FBXW2: variants seen among roughly 807,000 people sequenced by gnomAD.
FBXW2 encodes F-box and WD repeat domain containing 2.
In FBXW2, 12 loss-of-function variants were observed where a neutral mutation model predicts 46.0. The ratio of observed to expected loss-of-function variants is 0.26; its 90% confidence interval spans 0.17 to 0.42. The LOEUF (loss-of-function observed/expected upper bound fraction) is 0.42. Among genes scored for constraint, FBXW2 ranks in the 10% least tolerant of loss-of-function variants. The probability of loss-of-function intolerance (pLI) is 1.00; values close to 1 mark genes in which losing one functional copy is unlikely to be tolerated. For synonymous variants in FBXW2, 203 were observed against 209.6 expected (o/e 0.97, Z 0.27); for missense variants, 360 against 537.0 (o/e 0.67, Z 3.26).
At chr9:120,777,244 G>A (rs568158885) in intron 4 of FBXW2, among the ~76,000 whole-genome samples, 68 of 152,342 alleles carry the variant, frequency 4.5e-4, no homozygotes, top group Non-Finnish European at 9.0e-4. Context: ...ATACTTCCAT[G>A]CATACATGCA....
At chr9:120,772,431 T>G (rs1011880128) in intron 6 of FBXW2, among the ~76,000 whole-genome samples, 2 of 152,102 alleles carry the variant, frequency 1.3e-5, no homozygotes, top group Non-Finnish European at 2.9e-5. Context: ...GGGCGGAGGT[T>G]GCAGTGAGCC....
intron 7 of FBXW2, among the ~76,000 whole-genome samples, chr9:120,768,461 A>G (rs1199206698): frequency 6.6e-6 from 1 of 152,256 alleles, no homozygotes; most frequent in Non-Finnish European, 1.5e-5. Flanking sequence ...TGGGTGCTCA[A>G]TGAATATCTA....
chr9:120,781,352 C>T (rs1386241368), intron 3 of FBXW2, among the ~76,000 whole-genome samples: 3 of 152,050 alleles, frequency 2.0e-5, no homozygotes, highest in African/African-American at 2.4e-5. Context: ...TTCAAAAAAC[C>T]GTCTAGGAGT....
intron 2 of FBXW2, 81 bp downstream of exon 2, chr9:120,793,068 T>C: frequency 2.1e-6 from 2 of 967,584 alleles, no homozygotes; most frequent in South Asian, 2.9e-5. Context: ...TGTTTTCCCG[T>C]CTCTAAAATC....
At chr9:120,787,663 A>C in intron 3 of FBXW2, 106 bp downstream of exon 3, 3 of 1,231,162 alleles carry the variant, frequency 2.4e-6, no homozygotes, top group Non-Finnish European at 3.4e-6. Context: ...CACTGTACAT[A>C]TCTCATATAA....
Position 120,778,564 on chromosome 9 carries a change from G to A in FBXW2, c.491-19C>T. 6.2e-7 allele frequency: 1 copy of A among 1,605,744 alleles called. No individual in the cohort carries two copies. The highest frequency in any genetic ancestry group is 8.5e-7 in the Non-Finnish European group (1 of 1,174,574). On this transcript the variant is annotated intron_variant, in intron 3 of 7. Coordinates refer to ENST00000608872, the MANE Select transcript of FBXW2 (RefSeq NM_012164.4). ...TCTGACCCTTCAAGAGAAAAACAGGGAGGTTAATAAGAAAACAAACACACT... is the reference window on the plus strand; with the variant it reads ...TCTGACCCTTCAAGAGAAAAACAGGAAGGTTAATAAGAAAACAAACACACT...
intron 2 of FBXW2, chr9:120,792,903 C>T: frequency 6.6e-7 from 1 of 1,524,632 alleles, no homozygotes; most frequent in Non-Finnish European, 8.8e-7. Context: ...TCATGGCATA[C>T]CCACAATTAT....
At chr9:120,793,287 G>A (rs962743125) in intron 1 of FBXW2, 30 bp from the exon 2 acceptor site, 16 of 458,324 alleles carry the variant, frequency 3.5e-5, no homozygotes, top group African/African-American at 1.8e-4. Context: ...GCCAAGGCGC[G>A]GCGGGTCAGC....
At chr9:120,781,172 G>A (rs1212594169) in intron 3 of FBXW2, among the ~76,000 whole-genome samples, 1 of 152,116 alleles carries the variant, frequency 6.6e-6, no homozygotes, top group African/African-American at 2.4e-5. Context: ...TATTTTAGAC[G>A]TTGACCTATT....
At chr9:120,778,204 A>T in intron 4 of FBXW2, 147 bp downstream of exon 4, 1 of 764,056 alleles carries the variant, frequency 1.3e-6, no homozygotes, top group Non-Finnish European at 2.1e-6. Context: ...AAGAGTAACT[A>T]GAATAAAGGG....
intron 4 of FBXW2, among the ~76,000 whole-genome samples, chr9:120,777,804 C>T (rs574064512): frequency 1.4e-5 from 2 of 143,300 alleles, no homozygotes; most frequent in South Asian, 4.4e-4. Flanking sequence ...GGATGCTATA[C>T]ATTTATTAGG....
At chr9:120,780,899 C>T (rs144913192) in intron 3 of FBXW2, among the ~76,000 whole-genome samples, 44 of 152,206 alleles carry the variant, frequency 2.9e-4, no homozygotes, top group African/African-American at 9.6e-4. Context: ...ACATCTCAGA[C>T]GAGGCTCCAC....
intron 3 of FBXW2, among the ~76,000 whole-genome samples, chr9:120,784,972 A>G: frequency 6.6e-6 from 1 of 150,976 alleles, no homozygotes; most frequent in Admixed American, 6.6e-5. Context: ...GTCAACTGCC[A>G]GTAGGAGCTC....
At chr9:120,788,664 T>G (rs180713456) in intron 2 of FBXW2, among the ~76,000 whole-genome samples, 1 of 152,290 alleles carries the variant, frequency 6.6e-6, no homozygotes, top group Admixed American at 6.5e-5. Context: ...TAAAACAATT[T>G]CCTTAATGAA....
At chr9:120,774,856 T>C (rs1310092913) in intron 5 of FBXW2, among the ~76,000 whole-genome samples, 1 of 152,212 alleles carries the variant, frequency 6.6e-6, no homozygotes, top group East Asian at 1.9e-4. Context: ...ACCACCTCTC[T>C]GCCCATCTTC....
intron 5 of FBXW2, 153 bp downstream of exon 5, chr9:120,775,940 T>C: frequency 3.5e-6 from 3 of 857,010 alleles, no homozygotes; most frequent in Non-Finnish European, 5.3e-6. Flanking sequence ...AAGTACCTTC[T>C]ACTTGCTGGT....
intron 7 of FBXW2, among the ~76,000 whole-genome samples, chr9:120,766,216 G>A (rs564874564): frequency 6.6e-6 from 1 of 152,294 alleles, no homozygotes; most frequent in African/African-American, 2.4e-5. Context: ...AGCTGAGATG[G>A]GGAAGGAAAG....
chr9:120,789,486 CTA>C (rs2131379888), intron 2 of FBXW2, among the ~76,000 whole-genome samples: 1 of 152,260 alleles, frequency 6.6e-6, no homozygotes, highest in Non-Finnish European at 1.5e-5. Flanking sequence ...TTTCTCAAGA[CTA>C]TGTGTTGATA....
intron 3 of FBXW2, among the ~76,000 whole-genome samples, chr9:120,782,174 A>G (rs1433738389): frequency 6.6e-6 from 1 of 152,032 alleles, no homozygotes; most frequent in East Asian, 1.9e-4. Flanking sequence ...AATTCATAGA[A>G]AGTAGAATGG....
Sources: gnomAD v4.1 joint callset for allele counts (sites outside exome capture counted in the v4.1 genomes callset) on GRCh38, gnomAD v4.1.1 for gene constraint, MANE v1.5 for transcripts, NCBI Gene and HGNC (gene_info 2026-07-23, HGNC 2026-07-21) for gene names.